The following DLAT variants were observed in gnomAD, a reference collection of about 807,000 sequenced individuals.
The protein encoded by DLAT is dihydrolipoyllysine-residue acetyltransferase component of pyruvate dehydrogenase complex, mitochondrial.
DLAT carries 43 observed loss-of-function variants against 68.0 expected under a neutral mutation model. The observed-to-expected ratio is 0.63, with a 90% CI of 0.50 to 0.81. The LOEUF is 0.81. Ranked by LOEUF, DLAT falls within the 40% of genes least tolerant of loss-of-function variation. DLAT has a pLI of 0.00. For missense variants in DLAT, 745 were observed against 815.4 expected (o/e 0.91, Z 1.05); for synonymous variants, 265 against 288.6 (o/e 0.92, Z 0.83).
rs1862522276 is a variant in DLAT, at chr11:112,033,403, G to A, written c.661-1G>A. The A allele has an allele frequency of 6.2e-7, 1 of 1,613,388 alleles. No individual in the cohort carries two copies. Among genetic ancestry groups the A allele is most frequent in the Non-Finnish European group, 8.5e-7 (1 of 1,179,598 alleles). The stretch of plus-strand genomic sequence containing the variant: ...GCAATAATATGTGTTTGTTTCTGCA[G>A]GTACTTCTTCCTGCCCTCTCTCCCA... On this transcript the variant is annotated splice_acceptor_variant, in intron 4 of 13. Transcript: ENST00000280346. LOFTEE classifies it high-confidence loss of function.
At chr11:112,038,537 C>T (rs1011823320) in intron 6 of DLAT, among the ~76,000 whole-genome samples, 17 of 151,044 alleles carry the variant, frequency 1.1e-4, no homozygotes, top group Non-Finnish European at 4.4e-5. Context: ...GGCCTTACAG[C>T]ATAATTTTAT....
In DLAT at chr11:112,025,598, C is replaced by T; in HGVS notation, c.126C>T (p.Pro42=). The change falls in exon 1 of 14, where the codon CCC becomes CCT. Residue 42 remains proline (P), a synonymous_variant. Coordinates refer to ENST00000280346, the MANE Select transcript of DLAT (RefSeq NM_001931.5). ...TGACCTCGCGATCTGGCCCGGCTCC[C>T]GCTCGTCGCAACAGCGTGACTACAG... is the stretch of plus-strand genomic sequence containing the variant. The part of the protein sequence containing the change: ...PRVTSRSGPA[P]ARRNSVTTGY... 6.2e-7 allele frequency: 1 copy of T among 1,613,956 alleles called. No individual in the cohort carries two copies. Among genetic ancestry groups the T allele is most frequent in the Non-Finnish European group, 8.5e-7 (1 of 1,179,992 alleles).
In DLAT at chr11:112,051,368, G is replaced by A; in HGVS notation, c.1514+19G>A. 1 of 1,517,158 alleles carries A rather than the reference G, an allele frequency of 6.6e-7. No homozygotes were observed. The highest frequency in any genetic ancestry group is 1.1e-5 in the South Asian group (1 of 89,158). 94.0% of individuals were successfully genotyped at this position (1,517,158 alleles called of 1,614,324 possible). On this transcript the variant is annotated intron_variant, in intron 11 of 13. Coordinates refer to ENST00000280346, the MANE Select transcript of DLAT (RefSeq NM_001931.5). The surrounding 1 kb of genome is among the most constrained non-coding windows in gnomAD (Gnocchi z 4.3). The stretch of plus-strand genomic sequence containing the variant: ...TAAGACAGTAAGTATAACTGGGGAA[G>A]ATATATATCCATCGGTAGTTTTCTT...
chr11:112,036,328 C>G (rs1437918742), intron 5 of DLAT, among the ~76,000 whole-genome samples: 1 of 146,374 alleles, frequency 6.8e-6, no homozygotes, highest in Admixed American at 7.2e-5. Context: ...ATTTTCTTGC[C>G]TCAGCCTCCC....
chr11:112,025,727 T>C lies in DLAT; in HGVS notation c.255T>C (p.Tyr85=). Residue 85 remains tyrosine, a synonymous_variant, in exon 1 of 14, where the codon TAT becomes TAC. Transcript: ENST00000280346. ...LQLLGSPGRR[Y]YSLPPHQKVP... is the part of the protein sequence containing the mutation. Reference sequence around the variant, plus strand: ...TTTTGGGGTCGCCCGGCCGCCGCTATTACAGTCTTCCCCCGCATCAGAAGG... The same window carrying C: ...TTTTGGGGTCGCCCGGCCGCCGCTACTACAGTCTTCCCCCGCATCAGAAGG... The C allele has an allele frequency of 6.2e-7, 1 of 1,613,214 alleles. No homozygotes were observed. Among genetic ancestry groups the C allele is most frequent in the Non-Finnish European group, 8.5e-7 (1 of 1,179,962 alleles).
At chr11:112,026,821 G>T (rs1194578601) in intron 2 of DLAT, among the ~76,000 whole-genome samples, 1 of 152,134 alleles carries the variant, frequency 6.6e-6, no homozygotes, top group Non-Finnish European at 1.5e-5. Flanking sequence ...TTCTCAATGA[G>T]CTGTTGGGTA....
At chr11:112,050,322 CT>C (rs781892275) in intron 10 of DLAT, among the ~76,000 whole-genome samples, 3,152 of 140,456 alleles carry the variant, frequency 0.022, 36 homozygotes, top group African/African-American at 0.036. Flanking sequence ...TTAGTGTGTA[CT>C]TTTTTTTTTT....
At chr11:112,058,013 T>G (rs1307872457) in intron 11 of DLAT, among the ~76,000 whole-genome samples, 1 of 152,222 alleles carries the variant, frequency 6.6e-6, no homozygotes, top group African/African-American at 2.4e-5. Context: ...AAAATTCATG[T>G]GACTCGCTTT....
chr11:112,027,745 C>T (rs61897228), intron 2 of DLAT, among the ~76,000 whole-genome samples: 2 of 151,682 alleles, frequency 1.3e-5, no homozygotes, highest in East Asian at 1.9e-4. Context: ...CAAAAAAATA[C>T]GAAAACCAGT....
intron 5 of DLAT, among the ~76,000 whole-genome samples, chr11:112,035,565 C>G (rs1457717077): frequency 6.7e-6 from 1 of 150,344 alleles, no homozygotes; most frequent in Non-Finnish European, 1.5e-5. Context: ...CTCGGCCCAC[C>G]ACAACCTCTG....
chr11:112,055,614 C>G lies in DLAT; in HGVS notation c.1514+4265C>G, dbSNP rs75988264. Among the ~76,000 whole-genome samples the G allele has an allele frequency of 3.0e-3, 462 of 152,164 alleles. 15 individuals carry two copies. In the East Asian group the frequency reaches 0.066, roughly 22 times the overall value. ...TGCCATTCTGAGTTAGCCACTGTTACTGAACATACCTTTCAGTTCTCTCCT... is the reference window on the plus strand; with the variant it reads ...TGCCATTCTGAGTTAGCCACTGTTAGTGAACATACCTTTCAGTTCTCTCCT... On this transcript the variant is annotated intron_variant, in intron 11 of 13. Coordinates refer to ENST00000280346, the MANE Select transcript of DLAT (RefSeq NM_001931.5).
At chr11:112,032,392 A>G (rs1374141776) in intron 4 of DLAT, 1 of 152,166 alleles carries the variant, frequency 6.6e-6, no homozygotes, top group African/African-American at 2.4e-5. Flanking sequence ...TTATATATGC[A>G]TTACTTTATA....
chr11:112,042,118 C>T (rs143249352), intron 7 of DLAT, among the ~76,000 whole-genome samples: 4 of 152,208 alleles, frequency 2.6e-5, no homozygotes, highest in South Asian at 2.1e-4. Context: ...ATGGATGAAA[C>T]GTTTATATAG....
chr11:112,027,339 A>T (rs1403600738), intron 2 of DLAT, among the ~76,000 whole-genome samples: 1 of 137,674 alleles, frequency 7.3e-6, no homozygotes, highest in Non-Finnish European at 1.5e-5. Flanking sequence ...ATCTCAGACG[A>T]TGGGCGGCCG....
chr11:112,032,576 A>G (rs1395833669), intron 4 of DLAT: 1 of 152,074 alleles, frequency 6.6e-6, no homozygotes, highest in African/African-American at 2.4e-5. Context: ...CAATTTTAGT[A>G]TATGTGTTGC....
chr11:112,062,725 C>A lies in DLAT; in HGVS notation c.*190C>A. 1.6e-6 allele frequency: 1 copy of A among 632,892 alleles called. No homozygotes were observed. Among genetic ancestry groups the A allele is most frequent in the Non-Finnish European group, 2.6e-6 (1 of 378,088 alleles). 39.2% of individuals were successfully genotyped at this position (632,892 alleles called of 1,614,324 possible). On this transcript the variant is annotated 3_prime_UTR_variant, in exon 14 of 14. Coordinates refer to ENST00000280346, the MANE Select transcript of DLAT (RefSeq NM_001931.5). ...GCCGATTACACCCAAATATTGTGCACATTTAATAATCAGACACCAGATTTT... is the reference window on the plus strand; with the variant it reads ...GCCGATTACACCCAAATATTGTGCAAATTTAATAATCAGACACCAGATTTT...
intron 9 of DLAT, 116 bp downstream of exon 9, chr11:112,045,346 A>G (rs1863254788): frequency 1.1e-6 from 1 of 922,794 alleles, no homozygotes; most frequent in Admixed American, 1.9e-5. Flanking sequence ...ATATTGGATG[A>G]TTACTTTAAG....
At chr11:112,027,437 C>G (rs1438645796) in intron 2 of DLAT, among the ~76,000 whole-genome samples, 1 of 151,230 alleles carries the variant, frequency 6.6e-6, no homozygotes, top group Non-Finnish European at 1.5e-5. Context: ...GGCAGTGGGG[C>G]TCCTCACGTC....
intron 7 of DLAT, among the ~76,000 whole-genome samples, chr11:112,040,932 A>G (rs148815727): frequency 4.3e-4 from 66 of 152,174 alleles, no homozygotes; most frequent in African/African-American, 1.1e-3. Flanking sequence ...TTAAAAAAAA[A>G]AAAGAAAGAA....
Sources: gnomAD v4.1 joint callset for allele counts (sites outside exome capture counted in the v4.1 genomes callset) on GRCh38, gnomAD v4.1.1 for gene constraint, Gnocchi (gnomAD v3.1) non-coding constraint, MANE v1.5 for transcripts, NCBI Gene and HGNC (gene_info 2026-07-23, HGNC 2026-07-21) for gene names.